Variants in CELF4 observed in about 807,000 individuals in gnomAD.
CELF4 encodes the protein CUG-BP- and ETR-3-like factor 4.
Under a neutral mutation model 59.9 loss-of-function variants are expected in CELF4, and 18 were observed. The ratio of observed to expected loss-of-function variants is 0.30; its 90% CI spans 0.21 to 0.45. The LOEUF is 0.45. Ranked by LOEUF, CELF4 falls within the 20% of genes least tolerant of loss-of-function variation. The pLI is 1.00. For synonymous variants in CELF4, 261 were observed against 267.1 expected (o/e 0.98, Z 0.22); for missense variants, 456 against 689.0 (o/e 0.66, Z 3.79).
At chr18:37,499,824 G>A (rs1388545159) in intron 1 of CELF4, among the ~76,000 whole-genome samples, 1 of 152,184 alleles carries the variant, frequency 6.6e-6, no homozygotes, top group Non-Finnish European at 1.5e-5. Flanking sequence ...TGTGTCCTCA[G>A]CATCCAGCAC....
Position 37,333,058 on chromosome 18 carries a change from C to A in CELF4, c.370-11177G>T, listed in dbSNP as rs554795825. Among the ~76,000 whole-genome samples, 4 of 152,296 alleles carry A rather than the reference C, an allele frequency of 2.6e-5. No individual in the cohort carries two copies. The South Asian group carries it at 8.3e-4, about 32-fold the overall frequency. On this transcript the variant is annotated intron_variant, in intron 2 of 12. Coordinates refer to ENST00000420428, the MANE Select transcript of CELF4 (RefSeq NM_020180.4). Reference sequence around the variant, plus strand: ...TTCAGGGTGGGGGAGTGAGGGTGTGCAATTTTTTAAATAACAGTAGTGGAT... The same window carrying A: ...TTCAGGGTGGGGGAGTGAGGGTGTGAAATTTTTTAAATAACAGTAGTGGAT...
intron 3 of CELF4, among the ~76,000 whole-genome samples, chr18:37,302,793 G>A (rs2096145388): frequency 6.6e-6 from 1 of 152,174 alleles, no homozygotes; most frequent in Admixed American, 6.5e-5. Flanking sequence ...GGAGGCAGAG[G>A]GTGGTGCGGG....
At chr18:37,347,587 C>T (rs2098310304) in intron 2 of CELF4, among the ~76,000 whole-genome samples, 1 of 152,148 alleles carries the variant, frequency 6.6e-6, no homozygotes, top group South Asian at 2.1e-4. Flanking sequence ...ACACCCTCTG[C>T]TGGAGGTTCC....
chr18:37,417,048 A>G (rs2099534593), intron 2 of CELF4, among the ~76,000 whole-genome samples: 1 of 152,224 alleles, frequency 6.6e-6, no homozygotes, highest in Non-Finnish European at 1.5e-5. Flanking sequence ...GAAATCATTA[A>G]AGAGAGGAAG....
intron 1 of CELF4, among the ~76,000 whole-genome samples, chr18:37,507,400 ATCT>A (rs2099939331): frequency 6.6e-6 from 1 of 152,048 alleles, no homozygotes; most frequent in African/African-American, 2.4e-5. Context: ...CTCCTCACTC[ATCT>A]TCTCTGGTCT....
chr18:37,456,363 C>G (rs1163138925), intron 2 of CELF4, among the ~76,000 whole-genome samples: 3 of 152,164 alleles, frequency 2.0e-5, no homozygotes, highest in Non-Finnish European at 4.4e-5. Context: ...GACAAGCCTG[C>G]TTCTGCAGGC....
At chr18:37,316,086 A>G (rs1009655041) in intron 3 of CELF4, among the ~76,000 whole-genome samples, 1 of 152,124 alleles carries the variant, frequency 6.6e-6, no homozygotes, top group African/African-American at 2.4e-5. Flanking sequence ...TGGAGACTCC[A>G]TTTAGAAGCT....
chr18:37,498,794 T>G (rs1038678767), intron 1 of CELF4, among the ~76,000 whole-genome samples: 13 of 151,374 alleles, frequency 8.6e-5, no homozygotes, highest in Non-Finnish European at 1.6e-4. Flanking sequence ...GGGAGGGAGG[T>G]GGGTCTGGCT....
intron 10 of CELF4, among the ~76,000 whole-genome samples, chr18:37,259,629 C>T (rs749699568): frequency 8.5e-5 from 13 of 152,136 alleles, no homozygotes; most frequent in East Asian, 1.9e-4. Flanking sequence ...CCAGGAGATC[C>T]GGGAGGCCTC....
intron 2 of CELF4, among the ~76,000 whole-genome samples, chr18:37,351,451 T>G (rs991267017): frequency 1.3e-5 from 2 of 152,202 alleles, no homozygotes; most frequent in African/African-American, 4.8e-5. Flanking sequence ...CTGAACCTAC[T>G]GCCCAGGTTT....
intron 1 of CELF4, among the ~76,000 whole-genome samples, chr18:37,542,926 T>C (rs1480487625): frequency 1.3e-5 from 2 of 152,112 alleles, no homozygotes; most frequent in Non-Finnish European, 2.9e-5. Flanking sequence ...CTAGATCCAG[T>C]GCTCTTTCTA....
intron 2 of CELF4, among the ~76,000 whole-genome samples, chr18:37,337,518 C>T (rs552758644): frequency 6.6e-6 from 1 of 152,212 alleles, no homozygotes; most frequent in East Asian, 1.9e-4. Context: ...TCATTCATTC[C>T]CTCCCTCATT....
chr18:37,554,577 G>T lies in CELF4; in HGVS notation c.286+10779C>A, dbSNP rs1603644076. Among the ~76,000 whole-genome samples the T allele has an allele frequency of 3.3e-5, 5 of 152,216 alleles. No homozygotes were observed. In the South Asian group the frequency reaches 1.0e-3, roughly 32 times the overall value. On this transcript the variant is annotated intron_variant, in intron 1 of 12. Coordinates refer to ENST00000420428, the MANE Select transcript of CELF4 (RefSeq NM_020180.4). ...CCTTTCTTATTCATCATCATGCCCA[G>T]CATGGGGCCTGGACTCTAAGGCAGG... is the stretch of plus-strand genomic sequence containing the variant.
At chr18:37,422,532 G>A (rs2099584425) in intron 2 of CELF4, among the ~76,000 whole-genome samples, 1 of 152,244 alleles carries the variant, frequency 6.6e-6, no homozygotes, top group African/African-American at 2.4e-5. Context: ...GAGGAGCCTG[G>A]GAGCCTGGAG....
chr18:37,343,822 C>T (rs997966894), intron 2 of CELF4, among the ~76,000 whole-genome samples: 1 of 152,072 alleles, frequency 6.6e-6, no homozygotes, highest in African/African-American at 2.4e-5. Flanking sequence ...AGACCCCATC[C>T]AGACTCCCCA....
intron 10 of CELF4, among the ~76,000 whole-genome samples, chr18:37,262,829 CTGA>C (rs1192456207): frequency 2.6e-5 from 4 of 152,142 alleles, no homozygotes; most frequent in African/African-American, 9.7e-5. Context: ...GGGCTGCAGC[CTGA>C]TGAGGGGACC....
chr18:37,383,042 GTA>G (rs1227640939), intron 2 of CELF4, among the ~76,000 whole-genome samples: 2 of 151,824 alleles, frequency 1.3e-5, no homozygotes, highest in African/African-American at 4.8e-5. Flanking sequence ...ATGTATGTAT[GTA>G]TGTATGTATG....
intron 2 of CELF4, among the ~76,000 whole-genome samples, chr18:37,381,384 T>G (rs997762139): frequency 6.6e-6 from 1 of 152,118 alleles, no homozygotes; most frequent in Non-Finnish European, 1.5e-5. Context: ...ATGTTCTGTT[T>G]CTGCTTGACT....
chr18:37,388,902 C>T (rs1163101514), intron 2 of CELF4, among the ~76,000 whole-genome samples: 2 of 152,110 alleles, frequency 1.3e-5, no homozygotes, highest in East Asian at 3.9e-4. Context: ...CCATGTCATC[C>T]ATCGGTTAGT....
Sources: allele counts gnomAD v4.1 joint callset (sites outside exome capture counted in the v4.1 genomes callset), GRCh38; gene constraint gnomAD v4.1.1; transcripts MANE v1.5; gene names NCBI Gene and HGNC (gene_info 2026-07-23, HGNC 2026-07-21).